Variants in ROPN1L observed in about 807,000 individuals in gnomAD.
ROPN1L encodes ropporin-1-like protein.
A neutral mutation model predicts 22.7 loss-of-function variants in ROPN1L; 23 were observed. The ratio of observed to expected loss-of-function variants is 1.01; its 90% CI spans 0.73 to 1.43. ROPN1L has a LOEUF of 1.43. ROPN1L is among the 40% of genes most tolerant of loss of function. The pLI is 0.00. For synonymous variants in ROPN1L, 116 were observed against 117.8 expected (o/e 0.98, Z 0.10); for missense variants, 271 against 291.5 (o/e 0.93, Z 0.51).
the ROPN1L span, among the ~76,000 whole-genome samples, chr5:10,479,982 G>A: frequency 6.6e-6 from 1 of 152,148 alleles, no homozygotes; most frequent in African/African-American, 2.4e-5. Flanking sequence ...AACCTCAGGT[G>A]ATCCGCCTGC....
downstream of ROPN1L, among the ~76,000 whole-genome samples, chr5:10,465,281 C>T (rs905834017): frequency 2.0e-5 from 3 of 151,498 alleles, no homozygotes; most frequent in Non-Finnish European, 4.4e-5. Flanking sequence ...TTTGAGAGGC[C>T]GAGGCGGGTG....
At chr5:10,475,325 C>CAT (rs1417187010), downstream of ROPN1L, among the ~76,000 whole-genome samples, 1 of 152,200 alleles carries the variant, frequency 6.6e-6, no homozygotes, top group Non-Finnish European at 1.5e-5. Flanking sequence ...ATCTGCTATT[C>CAT]ATATATTCTG....
chr5:10,444,276 G>A (rs1319212471), intron 1 of ROPN1L, among the ~76,000 whole-genome samples: 1 of 152,078 alleles, frequency 6.6e-6, no homozygotes, highest in East Asian at 1.9e-4. Flanking sequence ...GTTATGTTAA[G>A]CTTCACTTTG....
Position 10,461,170 on chromosome 5 carries a change from T to C in ROPN1L, c.418-14T>C. 6.2e-7 allele frequency: 1 copy of C among 1,604,882 alleles called. No individual in the cohort carries two copies. The highest frequency in any genetic ancestry group is 2.2e-5 in the East Asian group (1 of 44,648). The stretch of plus-strand genomic sequence containing the variant: ...GTAACTGTTTTTCTCCCCACCTGGC[T>C]GTGGTGCTCCCAGTCCTTGAACACT... On this transcript the variant is annotated splice_polypyrimidine_tract_variant and intron_variant, in intron 3 of 4. Coordinates refer to ENST00000274134, the MANE Select transcript of ROPN1L (RefSeq NM_031916.5).
At chr5:10,470,516 G>A (rs56143551) in intron 4 of ROPN1L, among the ~76,000 whole-genome samples, 1 of 152,166 alleles carries the variant, frequency 6.6e-6, no homozygotes, top group East Asian at 1.9e-4. Flanking sequence ...CTGGCTTTTG[G>A]TAAGGCCAGA....
At chr5:10,454,526 T>G (rs1741355504) in intron 3 of ROPN1L, among the ~76,000 whole-genome samples, 1 of 152,206 alleles carries the variant, frequency 6.6e-6, no homozygotes, top group Admixed American at 6.5e-5. Flanking sequence ...GATCTTTTTT[T>G]TTTTAAGATA....
chr5:10,459,537 C>T (rs1212583516), intron 3 of ROPN1L, among the ~76,000 whole-genome samples: 2 of 152,202 alleles, frequency 1.3e-5, no homozygotes, highest in Admixed American at 6.5e-5. Flanking sequence ...TCTGCCCCCA[C>T]CCCATCCCGC....
intron 2 of ROPN1L, 123 bp downstream of exon 2, chr5:10,448,506 G>A: frequency 1.8e-6 from 2 of 1,091,980 alleles, no homozygotes; most frequent in Non-Finnish European, 2.6e-6. Flanking sequence ...TGAGGTCCCT[G>A]AAATCCTGCT....
At chr5:10,455,769 C>T (rs956942424) in intron 3 of ROPN1L, among the ~76,000 whole-genome samples, 6 of 29,918 alleles carry the variant, frequency 2.0e-4, no homozygotes, top group Admixed American at 1.2e-3. Flanking sequence ...CTCTTGAAAA[C>T]GCAGTGCTGG....
intron 1 of ROPN1L, among the ~76,000 whole-genome samples, chr5:10,445,220 C>G (rs1741017415): frequency 6.6e-6 from 1 of 152,210 alleles, no homozygotes; most frequent in Non-Finnish European, 1.5e-5. Flanking sequence ...AATCTGCCCT[C>G]CTGGCCTCCC....
chr5:10,455,004 C>T (rs770220490), intron 3 of ROPN1L, among the ~76,000 whole-genome samples: 3 of 152,210 alleles, frequency 2.0e-5, no homozygotes, highest in East Asian at 1.9e-4. Flanking sequence ...TTTCCTGTCT[C>T]GGAGAAGAAC....
chr5:10,470,118 G>A (rs1351985039), intron 4 of ROPN1L, among the ~76,000 whole-genome samples: 1 of 152,166 alleles, frequency 6.6e-6, no homozygotes, highest in Non-Finnish European at 1.5e-5. Context: ...GTAATTTGCA[G>A]CCAATAATTT....
intron 3 of ROPN1L, among the ~76,000 whole-genome samples, chr5:10,460,088 T>C (rs114413054): frequency 0.012 from 1,803 of 151,630 alleles, 37 homozygotes; most frequent in African/African-American, 0.041. Flanking sequence ...GAGGGGAGGG[T>C]CCCATAGGCC....
chr5:10,464,051 C>T (rs1735102788), intron 4 of ROPN1L, among the ~76,000 whole-genome samples: 2 of 152,330 alleles, frequency 1.3e-5, no homozygotes, highest in South Asian at 2.1e-4. Flanking sequence ...CTTCCTGTGC[C>T]AGTGGAGCCT....
At chr5:10,477,082 G>A in the ROPN1L span, among the ~76,000 whole-genome samples, 10 of 152,250 alleles carry the variant, frequency 6.6e-5, no homozygotes, top group Admixed American at 2.6e-4. Context: ...GAGTGTGGCC[G>A]TGTTCCAATA....
At chr5:10,448,139 T>G in intron 1 of ROPN1L, 121 bp from the exon 2 acceptor site, 6 of 1,079,548 alleles carry the variant, frequency 5.6e-6, no homozygotes, top group Non-Finnish European at 8.2e-6. Flanking sequence ...AAGCCCGGGA[T>G]GTTGGTCTTC....
At chr5:10,451,961 A>ATCTG (rs2126442888) in intron 3 of ROPN1L, among the ~76,000 whole-genome samples, 1 of 151,772 alleles carries the variant, frequency 6.6e-6, no homozygotes, top group East Asian at 1.9e-4. Flanking sequence ...CTGTCTATCT[A>ATCTG]TCTAATCTAT....
chr5:10,449,830 TTTG>T, intron 2 of ROPN1L, 119 bp from the exon 3 acceptor site: 1 of 724,700 alleles, frequency 1.4e-6, no homozygotes, highest in Non-Finnish European at 2.2e-6. Flanking sequence ...CTGTCATGCA[TTTG>T]GAGTTCATCT....
At chr5:10,468,419 C>T (rs1285841492), downstream of ROPN1L, among the ~76,000 whole-genome samples, 1 of 152,184 alleles carries the variant, frequency 6.6e-6, no homozygotes, top group African/African-American at 2.4e-5. Flanking sequence ...AAGGAAAACA[C>T]GTTCCCTATT....
Sources: gnomAD v4.1 joint callset for allele counts (sites outside exome capture counted in the v4.1 genomes callset) on GRCh38, gnomAD v4.1.1 for gene constraint, MANE v1.5 for transcripts, NCBI Gene and HGNC (gene_info 2026-07-23, HGNC 2026-07-21) for gene names.